FLCN: variants seen among roughly 807,000 people sequenced by gnomAD.
FLCN encodes folliculin.
A neutral mutation model predicts 62.5 loss-of-function variants in FLCN; 22 were observed. The ratio of observed to expected loss-of-function variants is 0.35; its 90% CI spans 0.25 to 0.50. The LOEUF (loss-of-function observed/expected upper bound fraction) is 0.50, where lower values mean the gene tolerates loss of function less well. FLCN is among the 20% of genes least tolerant of loss of function. FLCN has a pLI of 0.97. For missense variants in FLCN, 657 were observed against 778.0 expected (o/e 0.84, Z 1.85); for synonymous variants, 319 against 310.0 (o/e 1.03, Z -0.30).
chr17:17,217,321 G>T, intron 9 of FLCN, 139 bp from the exon 10 acceptor site: 1 of 721,212 alleles, frequency 1.4e-6, no homozygotes, highest in South Asian at 1.5e-5. Context: ...TCTTCTCAGG[G>T]AGGCGGGTGC....
rs1597586957 is a variant in FLCN, at chr17:17,217,137, T to C, written c.1108A>G (p.Met370Val). 1 of 1,614,014 alleles carries C rather than the reference T, an allele frequency of 6.2e-7. No homozygotes were observed. Among genetic ancestry groups the C allele is most frequent in the Non-Finnish European group, 8.5e-7 (1 of 1,179,974 alleles). ...CTTTTCCAGATCACCTGGTTCCCCA[T>C]GAGAACGTGCCAGGCCAGCATGCGG... ...SFRMLAWHVL[M>V]GNQVIWKSRD... Residue 370 changes from methionine to valine, a missense_variant, in exon 10 of 14, where the codon ATG becomes GTG. Transcript: ENST00000285071.
chr17:17,232,952 C>T (rs1395589265), intron 1 of FLCN, 51 bp from the exon 2 acceptor site: 8 of 152,122 alleles, frequency 5.3e-5, no homozygotes, highest in Admixed American at 6.5e-5. Flanking sequence ...TAGAGGCCTT[C>T]GTAGCATGAA....
chr17:17,233,161 T>G lies in FLCN; in HGVS notation c.-227-260A>C, dbSNP rs571598417. On this transcript the variant is annotated intron_variant, in intron 1 of 13. Transcript: ENST00000285071. ...ATCTCTGTATTTATTTTTTTAGAGA[T>G]AGGGTCTTGAGGCCAGCTCAGTGGC... Among the ~76,000 whole-genome samples the G allele has an allele frequency of 4.6e-5, 7 of 152,228 alleles. No homozygotes were observed. In the East Asian group the frequency reaches 1.4e-3, roughly 29 times the overall value.
At chr17:17,225,653 G>A (rs1172856686) in intron 5 of FLCN, 4 of 185,194 alleles carry the variant, frequency 2.2e-5, no homozygotes, top group Non-Finnish European at 3.4e-5. Flanking sequence ...GGAGGTTGCA[G>A]TAAGCCGAGA....
intron 13 of FLCN, 111 bp from the exon 14 acceptor site, chr17:17,213,967 G>A (rs1031215313): frequency 7.6e-6 from 9 of 1,190,686 alleles, no homozygotes; most frequent in African/African-American, 1.5e-5. Flanking sequence ...AGCTGTGCAG[G>A]CAGAGCTGGA....
intron 8 of FLCN, chr17:17,219,565 CTTTT>C (rs33981693): frequency 0.011 from 1,354 of 125,832 alleles, no homozygotes; most frequent in South Asian, 0.023. Flanking sequence ...TTTTTTTCCA[CTTTT>C]TTTTTTTTTT....
intron 3 of FLCN, among the ~76,000 whole-genome samples, chr17:17,231,297 G>A (rs549070013): frequency 2.0e-4 from 30 of 152,252 alleles, no homozygotes; most frequent in African/African-American, 6.5e-4. Context: ...AGGCACACAC[G>A]ACTCACGCCA....
At position 17,215,098 on chromosome 17, in the gene FLCN, G is replaced by GAAGGGCAGGGGCAGAGC. The variant is rs778841914; in HGVS notation, c.1433-25_1433-9dup. The GAAGGGCAGGGGCAGAGC allele has an allele frequency of 1.8e-5, 29 of 1,613,934 alleles. No homozygotes were observed. Among genetic ancestry groups the GAAGGGCAGGGGCAGAGC allele is most frequent in the South Asian group, 1.4e-4 (13 of 91,084 alleles). ...TCAGGATGGTGGGGCCCACTGGGGA[G>GAAGGGCAGGGGCAGAGC]AAGGGCAGGGGCAGAGCAAGGGCAG... On this transcript the variant is annotated splice_polypyrimidine_tract_variant and intron_variant, in intron 12 of 13. Coordinates refer to ENST00000285071, the MANE Select transcript of FLCN (RefSeq NM_144997.7).
chr17:17,221,145 C>T (rs2047072277), intron 8 of FLCN: 1 of 1,418,670 alleles, frequency 7.0e-7, no homozygotes, highest in Non-Finnish European at 9.2e-7. Context: ...GGAACCACTG[C>T]CCTTCATGGA....
At chr17:17,218,386 C>CTTTTTT (rs11464784) in intron 9 of FLCN, among the ~76,000 whole-genome samples, 3 of 129,968 alleles carry the variant, frequency 2.3e-5, no homozygotes, top group Non-Finnish European at 1.6e-5. Flanking sequence ...CCATCACTTT[C>CTTTTTT]TTTTTTTTTT....
intron 4 of FLCN, among the ~76,000 whole-genome samples, chr17:17,226,690 G>A (rs1017964055): frequency 2.6e-5 from 4 of 152,198 alleles, no homozygotes; most frequent in Non-Finnish European, 5.9e-5. Flanking sequence ...TAGCTGGCCC[G>A]AGGGTGAGGG....
At position 17,234,066 on chromosome 17, in the gene FLCN, G is replaced by A. The variant is rs138890259; in HGVS notation, c.-227-1165C>T. 7.2e-5 allele frequency among the ~76,000 whole-genome samples: 11 copies of A among 151,922 alleles called. No individual in the cohort carries two copies. In the East Asian group the frequency reaches 2.1e-3, roughly 30 times the overall value. ...CTCTTGGTTATAAGGGGGTGCTCTG[G>A]CAGCATCTACATCACACCAACTTAC... On this transcript the variant is annotated intron_variant, in intron 1 of 13. Coordinates refer to ENST00000285071, the MANE Select transcript of FLCN (RefSeq NM_144997.7).
At position 17,226,163 on chromosome 17, in the gene FLCN, C is replaced by T. The variant is rs1298858323; in HGVS notation, c.396+13G>A. The T allele has an allele frequency of 1.9e-6, 3 of 1,613,664 alleles. No individual in the cohort carries two copies. Among genetic ancestry groups the T allele is most frequent in the African/African-American group, 2.7e-5 (2 of 74,830 alleles). On this transcript the variant is annotated intron_variant, in intron 5 of 13. Transcript: ENST00000285071. Reference sequence around the variant, plus strand: ...GCTCCCACAGAGACAGGCTCTGTGGCCACAAGGCTCACCTCACAGCTCAGG... The same window carrying T: ...GCTCCCACAGAGACAGGCTCTGTGGTCACAAGGCTCACCTCACAGCTCAGG...
At chr17:17,222,038 T>G (rs2047105992) in intron 7 of FLCN, among the ~76,000 whole-genome samples, 2 of 86,338 alleles carry the variant, frequency 2.3e-5, no homozygotes, top group African/African-American at 3.3e-5. Flanking sequence ...CAGATTTGCT[T>G]TAAAAAAAAA....
rs138031155 is a variant in FLCN at position 17,219,104 on chromosome 17, G to A, written c.977C>T (p.Pro326Leu). The change falls in exon 9 of 14, where the codon CCG (proline) becomes CTG (leucine). Residue 326 changes from proline (P) to leucine (L), a missense_variant. Physicochemically the swap from Pro to Leu is moderately conservative, Grantham distance 98 (BLOSUM62 -3). Transcript: ENST00000285071. ...STEGRELTQGPAESSSLSGCG... is the reference protein window; with the variant it reads ...STEGRELTQGLAESSSLSGCG... Reference sequence around the variant, plus strand: ...GCCTGAGAGAGAGGAGGACTCTGCCGGGCCCTGGGTCAGCTCCCGCCCTTC... The same window carrying A: ...GCCTGAGAGAGAGGAGGACTCTGCCAGGCCCTGGGTCAGCTCCCGCCCTTC... The A allele has an allele frequency of 2.8e-4, 450 of 1,614,148 alleles. No homozygotes were observed. Among genetic ancestry groups the A allele is most frequent in the Non-Finnish European group, 3.4e-4 (405 of 1,180,014 alleles).
In FLCN at chr17:17,237,001, T is replaced by C. The variant is rs1339611822; in HGVS notation, c.-317A>G. The C allele has an allele frequency of 6.6e-6, 1 of 151,678 alleles. No individual in the cohort carries two copies. The highest frequency in any genetic ancestry group is 2.4e-5 in the African/African-American group (1 of 41,124). The allele number at this position is 151,678 out of a possible 1,614,324, so 9.4% of individuals were successfully genotyped here. On this transcript the variant is annotated 5_prime_UTR_variant, in exon 1 of 14. Coordinates refer to ENST00000285071, the MANE Select transcript of FLCN (RefSeq NM_144997.7). ...CAGCCCCGCCCCTGACTGCGCTGGG[T>C]AGGTGGTCGCTGCGGGACCCGGACC...
chr17:17,220,561 G>C (rs980835867), intron 8 of FLCN: 1 of 152,372 alleles, frequency 6.6e-6, no homozygotes, highest in African/African-American at 2.4e-5. Flanking sequence ...AGCCAGGTCT[G>C]TCTGATGCCA....
At chr17:17,215,604 G>A (rs1375202770) in intron 11 of FLCN, among the ~76,000 whole-genome samples, 1 of 152,206 alleles carries the variant, frequency 6.6e-6, no homozygotes, top group Non-Finnish European at 1.5e-5. Flanking sequence ...TATGAGGGTG[G>A]TCTCACCATG....
In FLCN at chr17:17,216,564, A is replaced by G; in HGVS notation, c.1177-61T>C. On this transcript the variant is annotated intron_variant, in intron 10 of 13. Coordinates refer to ENST00000285071, the MANE Select transcript of FLCN (RefSeq NM_144997.7). This position sits in a 1 kb window ranked among gnomAD's most constrained non-coding sequence, Gnocchi z 4.0. ...AGGAAGCCCTCAGCCCCGGCCATCC[A>G]TGCTCTACTACCCAAACCCCACACG... 3 of 1,606,528 alleles carry G rather than the reference A, an allele frequency of 1.9e-6. No homozygotes were observed. Among genetic ancestry groups the G allele is most frequent in the South Asian group, 1.1e-5 (1 of 90,246 alleles).
Sources: allele counts gnomAD v4.1 joint callset (sites outside exome capture counted in the v4.1 genomes callset), GRCh38; gene constraint gnomAD v4.1.1; non-coding constraint Gnocchi (gnomAD v3.1); transcripts MANE v1.5; gene names NCBI Gene and HGNC (gene_info 2026-07-23, HGNC 2026-07-21).